The following PCDHA7 variants were observed in gnomAD, a reference collection of about 807,000 sequenced individuals.
The protein encoded by PCDHA7 is protocadherin alpha-7.
In PCDHA7, 37 loss-of-function variants were observed where a neutral mutation model predicts 57.2. That is an observed-to-expected ratio of 0.65 (90% CI 0.50 to 0.85). PCDHA7 has a LOEUF of 0.85. PCDHA7 is among the 40% of genes least tolerant of loss of function. The pLI is 0.00. For missense variants in PCDHA7, 1,188 were observed against 1,241.8 expected (o/e 0.96, Z 0.65); for synonymous variants, 553 against 558.8 (o/e 0.99, Z 0.15).
At chr5:140,975,784 A>G (rs1216156931) in intron 1 of PCDHA7, among the ~76,000 whole-genome samples, 1 of 151,914 alleles carries the variant, frequency 6.6e-6, no homozygotes, top group Non-Finnish European at 1.5e-5. Flanking sequence ...CCATTACAAG[A>G]TAAATTAAAT....
At position 140,842,039 on chromosome 5, in the gene PCDHA7, C is replaced by T. The variant is rs371732180; in HGVS notation, c.2355+5301C>T. ...AGTGCTGGATGTGAATGATAATGCT[C>T]CCACTTTCGAACAGTCTGAATACGA... On this transcript the variant is annotated intron_variant, in intron 1 of 3. Transcript: ENST00000525929. 4 of 1,613,816 alleles carry T rather than the reference C, an allele frequency of 2.5e-6. No individual in the cohort carries two copies. In the South Asian group the frequency reaches 4.4e-5, roughly 18 times the overall value.
chr5:140,866,355 C>T (rs1031469942), intron 1 of PCDHA7: 16 of 152,086 alleles, frequency 1.1e-4, no homozygotes, highest in African/African-American at 3.6e-4. Flanking sequence ...GAAATGTTTA[C>T]AATATTGCAT....
intron 1 of PCDHA7, chr5:140,841,459 C>A (rs1554138209): frequency 1.9e-6 from 3 of 1,612,886 alleles, no homozygotes; most frequent in African/African-American, 2.7e-5. Context: ...CCTTCGTGGG[C>A]CGGATCGCGC....
intron 1 of PCDHA7, among the ~76,000 whole-genome samples, chr5:140,906,351 C>A (rs966982758): frequency 3.9e-5 from 6 of 152,128 alleles, no homozygotes; most frequent in Non-Finnish European, 5.9e-5. Context: ...CAAGAATGCA[C>A]CAATTCCCAA....
chr5:140,887,523 A>G (rs2061479096), intron 1 of PCDHA7, among the ~76,000 whole-genome samples: 1 of 152,078 alleles, frequency 6.6e-6, no homozygotes, highest in Non-Finnish European at 1.5e-5. Flanking sequence ...TTTATATATG[A>G]GTCTTCCTCT....
chr5:140,948,542 C>A (rs141026678), intron 1 of PCDHA7, among the ~76,000 whole-genome samples: 66 of 151,648 alleles, frequency 4.4e-4, no homozygotes, highest in African/African-American at 1.5e-3. Flanking sequence ...ATTTCATGCT[C>A]TGTCAATTTT....
At chr5:140,974,828 A>T (rs2096642920) in intron 1 of PCDHA7, among the ~76,000 whole-genome samples, 1 of 152,188 alleles carries the variant, frequency 6.6e-6, no homozygotes, top group Non-Finnish European at 1.5e-5. Flanking sequence ...CAACATAATG[A>T]TTATTTTAAA....
chr5:140,843,633 C>T (rs1554140304), intron 1 of PCDHA7: 1 of 1,595,708 alleles, frequency 6.3e-7, no homozygotes, highest in Admixed American at 1.7e-5. Context: ...GACCTCATGG[C>T]CTTCAGCCCC....
chr5:140,866,915 A>T (rs1413291718), intron 1 of PCDHA7: 1 of 152,138 alleles, frequency 6.6e-6, no homozygotes, highest in African/African-American at 2.4e-5. Flanking sequence ...CTCAAAGATG[A>T]GTTCAAAGGG....
chr5:140,968,134 G>C, intron 1 of PCDHA7: 1 of 1,614,146 alleles, frequency 6.2e-7, no homozygotes, highest in Non-Finnish European at 8.5e-7. Context: ...GTACACTGAA[G>C]GTTGAGATCT....
At chr5:140,945,630 A>C (rs1445072054) in intron 1 of PCDHA7, among the ~76,000 whole-genome samples, 1 of 152,166 alleles carries the variant, frequency 6.6e-6, no homozygotes, top group African/African-American at 2.4e-5. Context: ...CTGGCATAAA[A>C]GACATGTAGA....
At position 140,876,665 on chromosome 5, in the gene PCDHA7, T is replaced by C. The variant is rs781830697; in HGVS notation, c.2355+39927T>C. 98 of 1,614,080 alleles carry C rather than the reference T, an allele frequency of 6.1e-5. 1 individual carries two copies. The South Asian group carries it at 9.4e-4, about 16-fold the overall frequency. ...ACACCTCATGTTCCCTTCAAGCTGG[T>C]GTCCACCTACAAGAATTACTACTCG... On this transcript the variant is annotated intron_variant, in intron 1 of 3. Coordinates refer to ENST00000525929, the MANE Select transcript of PCDHA7 (RefSeq NM_018910.3).
intron 1 of PCDHA7, among the ~76,000 whole-genome samples, chr5:140,840,706 G>A (rs1262374408): frequency 6.6e-6 from 1 of 151,968 alleles, no homozygotes; most frequent in African/African-American, 2.4e-5. Flanking sequence ...CAGGCAATTT[G>A]ACATTTATTG....
chr5:140,968,203 G>A, intron 1 of PCDHA7: 5 of 1,614,018 alleles, frequency 3.1e-6, no homozygotes, highest in Non-Finnish European at 4.2e-6. Context: ...TCTACATACA[G>A]GAGAACAATT....
At chr5:140,882,072 T>G in intron 1 of PCDHA7, 4 of 861,576 alleles carry the variant, frequency 4.6e-6, no homozygotes, top group Non-Finnish European at 7.0e-6. Flanking sequence ...TTCATGCGCA[T>G]GGTGTCGCTC....
intron 1 of PCDHA7, chr5:140,850,214 T>A (rs1554143992): frequency 6.3e-7 from 1 of 1,593,328 alleles, no homozygotes; most frequent in African/African-American, 1.3e-5. Flanking sequence ...TGAGGGGCAC[T>A]GACGGCGCAG....
chr5:140,917,439 G>T (rs1437451173), intron 1 of PCDHA7, among the ~76,000 whole-genome samples: 1 of 151,364 alleles, frequency 6.6e-6, no homozygotes, highest in Non-Finnish European at 1.5e-5. Flanking sequence ...TTTTGTTTTT[G>T]CTGCAAGAGC....
chr5:140,918,311 G>A (rs1286596595), intron 1 of PCDHA7, among the ~76,000 whole-genome samples: 2 of 152,070 alleles, frequency 1.3e-5, no homozygotes, highest in African/African-American at 4.8e-5. Context: ...GGGTTTTCTA[G>A]GTATAAAATT....
At chr5:140,862,471 C>G in intron 1 of PCDHA7, 3 of 374,584 alleles carry the variant, frequency 8.0e-6, no homozygotes, top group Non-Finnish European at 1.6e-5. Context: ...GAGAGCAAAT[C>G]TATCCATTGT....
Sources: allele counts gnomAD v4.1 joint callset (sites outside exome capture counted in the v4.1 genomes callset), GRCh38; gene constraint gnomAD v4.1.1; transcripts MANE v1.5; gene names NCBI Gene and HGNC (gene_info 2026-07-23, HGNC 2026-07-21).